VCL: variants seen among roughly 807,000 people sequenced by gnomAD.
The protein encoded by VCL is epididymis luminal protein 114.
A neutral mutation model predicts 125.7 loss-of-function variants in VCL; 47 were observed. The observed-to-expected ratio is 0.37, with a 90% CI of 0.30 to 0.48. VCL has a LOEUF of 0.48. VCL is among the 20% of genes least tolerant of loss of function. The pLI is 0.99. For missense variants in VCL, 1,069 were observed against 1,455.5 expected (o/e 0.73, Z 4.32); for synonymous variants, 458 against 514.6 (o/e 0.89, Z 1.49).
chr10:74,037,048 C>T (rs1371786484), intron 1 of VCL, among the ~76,000 whole-genome samples: 3 of 151,802 alleles, frequency 2.0e-5, no homozygotes, highest in Non-Finnish European at 2.9e-5. Context: ...GTAGCTGGGA[C>T]TACAGGCGCC....
chr10:74,083,392 C>A lies in VCL; in HGVS notation c.901C>A (p.Gln301Lys). The A allele has an allele frequency of 6.2e-7, 1 of 1,614,128 alleles. No homozygotes were observed. The highest frequency in any genetic ancestry group is 8.5e-7 in the Non-Finnish European group (1 of 1,179,988). Residue 301 changes from glutamine to lysine, a missense_variant, in exon 8 of 22, where the codon CAG (glutamine) becomes AAG (lysine). This residue lies in a region of VCL where 760 missense variants were observed against 928.9 expected (regional missense o/e 0.82). Coordinates refer to ENST00000211998, the MANE Select transcript of VCL (RefSeq NM_014000.3). ...GGATGCTGGTGAGCAGGCCATCAGA[C>A]AGATCTTAGATGAAGCTGGAAAAGT... ...PGDAGEQAIR[Q>K]ILDEAGKVGE...
At chr10:74,013,294 C>T (rs1840470216) in intron 1 of VCL, among the ~76,000 whole-genome samples, 1 of 151,884 alleles carries the variant, frequency 6.6e-6, no homozygotes, top group South Asian at 2.1e-4. Context: ...GCAAAAGGAC[C>T]ATCTAATTTG....
At chr10:73,998,616 C>G (rs185314301) in intron 1 of VCL, among the ~76,000 whole-genome samples, 1 of 152,246 alleles carries the variant, frequency 6.6e-6, no homozygotes, top group African/African-American at 2.4e-5. Context: ...GGCTGCCTTG[C>G]GGGCTTGTCG....
In VCL at chr10:74,072,614, A is replaced by G. The variant is rs1841678419; in HGVS notation, c.500-116A>G. The G allele has an allele frequency of 2.7e-6, 4 of 1,478,640 alleles. No homozygotes were observed. In the Admixed American group the frequency reaches 5.4e-5, roughly 20 times the overall value. The allele number at this position is 1,478,640 out of a possible 1,614,324, so 91.6% of individuals were successfully genotyped here. ...TTCAGTGATGGTGTCTGTTGTTTAAATAAGTGAGCAATCGGTTTGAACTTT... is the reference window on the plus strand; with the variant it reads ...TTCAGTGATGGTGTCTGTTGTTTAAGTAAGTGAGCAATCGGTTTGAACTTT... On this transcript the variant is annotated intron_variant, in intron 4 of 21. Coordinates refer to ENST00000211998, the MANE Select transcript of VCL (RefSeq NM_014000.3).
intron 1 of VCL, among the ~76,000 whole-genome samples, chr10:74,023,390 TACTC>T: frequency 6.6e-6 from 1 of 152,334 alleles, no homozygotes; most frequent in East Asian, 1.9e-4. Flanking sequence ...TGTGTAAGTA[TACTC>T]TATGATGTTC....
chr10:74,118,312 A>G lies in VCL; in HGVS notation c.*143A>G. The G allele has an allele frequency of 2.1e-6, 2 of 948,078 alleles. No homozygotes were observed. Among genetic ancestry groups the G allele is most frequent in the South Asian group, 2.8e-5 (2 of 72,030 alleles). The allele number at this position is 948,078 out of a possible 1,614,324, so 58.7% of individuals were successfully genotyped here. A position where few individuals can be genotyped will look rare whatever the true frequency, so the allele number is the denominator to read the frequency against. ...ATCAGAAAGGAATGGGGGCCTCTTCAAATTAGAAGACATTTATACTCTTTT... is the reference window on the plus strand; with the variant it reads ...ATCAGAAAGGAATGGGGGCCTCTTCGAATTAGAAGACATTTATACTCTTTT... On this transcript the variant is annotated 3_prime_UTR_variant, in exon 22 of 22. Coordinates refer to ENST00000211998, the MANE Select transcript of VCL (RefSeq NM_014000.3).
At chr10:74,019,936 G>A (rs868864857) in intron 1 of VCL, among the ~76,000 whole-genome samples, 23 of 151,730 alleles carry the variant, frequency 1.5e-4, no homozygotes, top group South Asian at 4.2e-4. Flanking sequence ...GGTGGCGGGC[G>A]CCTGTAATCC....
intron 2 of VCL, among the ~76,000 whole-genome samples, chr10:74,064,816 CAT>C (rs941474482): frequency 1.3e-5 from 2 of 152,120 alleles, no homozygotes; most frequent in African/African-American, 2.4e-5. Flanking sequence ...AAAAATAAAT[CAT>C]ATGTTAAGCC....
chr10:74,062,871 C>T (rs1418222993), intron 2 of VCL, among the ~76,000 whole-genome samples: 1 of 151,980 alleles, frequency 6.6e-6, no homozygotes, highest in African/African-American at 2.4e-5. Flanking sequence ...AGTTCGAGAC[C>T]AGCCTGGCCA....
At chr10:74,014,947 C>T (rs1045301078) in intron 1 of VCL, among the ~76,000 whole-genome samples, 6 of 152,176 alleles carry the variant, frequency 3.9e-5, no homozygotes, top group Non-Finnish European at 7.3e-5. Flanking sequence ...CTTCAGCCTC[C>T]CAGAGTGCTG....
intron 1 of VCL, among the ~76,000 whole-genome samples, chr10:74,020,724 C>G (rs1487432381): frequency 1.3e-5 from 2 of 150,992 alleles, no homozygotes; most frequent in East Asian, 3.9e-4. Context: ...ACCTGTAGTC[C>G]CAGCTACTCA....
At chr10:74,025,862 G>A (rs1225199312) in intron 1 of VCL, among the ~76,000 whole-genome samples, 1 of 152,140 alleles carries the variant, frequency 6.6e-6, no homozygotes, top group African/African-American at 2.4e-5. Flanking sequence ...CCAGAGTGAG[G>A]TTAAGAGTGG....
At chr10:74,057,517 C>A (rs937674739) in intron 2 of VCL, among the ~76,000 whole-genome samples, 49 of 152,148 alleles carry the variant, frequency 3.2e-4, no homozygotes, top group Non-Finnish European at 2.4e-4. Flanking sequence ...AGCTTGAGGG[C>A]CTGCCTGTAC....
chr10:74,112,565 G>A (rs1040278401), intron 19 of VCL, among the ~76,000 whole-genome samples: 1 of 152,112 alleles, frequency 6.6e-6, no homozygotes, highest in South Asian at 2.1e-4. Context: ...TATAGGGCAG[G>A]GTCTCTGGGG....
Position 74,070,667 on chromosome 10 carries a change from T to C in VCL, c.240-3T>C. The stretch of plus-strand genomic sequence containing the variant: ...GTGTGTTAACCTGTGTTCTTCCCTA[T>C]AGGGTTGAGAATGCTTGCACCAAGC... On this transcript the variant is annotated splice_polypyrimidine_tract_variant and splice_region_variant and intron_variant, in intron 2 of 21. Transcript: ENST00000211998. 2 of 1,614,118 alleles carry C rather than the reference T, an allele frequency of 1.2e-6. No individual in the cohort carries two copies. The highest frequency in any genetic ancestry group is 1.7e-6 in the Non-Finnish European group (2 of 1,180,008).
At chr10:74,079,783 C>T (rs933282783) in intron 6 of VCL, among the ~76,000 whole-genome samples, 1 of 152,054 alleles carries the variant, frequency 6.6e-6, no homozygotes, top group Non-Finnish European at 1.5e-5. Flanking sequence ...TTACTTATAA[C>T]CTACTGTTTT....
intron 2 of VCL, among the ~76,000 whole-genome samples, chr10:74,056,190 A>T (rs914449552): frequency 6.7e-6 from 1 of 149,542 alleles, no homozygotes; most frequent in Non-Finnish European, 1.5e-5. Flanking sequence ...GTGTGTGCTC[A>T]TGATGGGTGT....
chr10:74,081,615 CTG>C (rs1417818219), intron 6 of VCL, among the ~76,000 whole-genome samples: 2 of 152,120 alleles, frequency 1.3e-5, no homozygotes, highest in Non-Finnish European at 2.9e-5. Flanking sequence ...ATATTGTTCT[CTG>C]TGTTTTTATG....
chr10:74,000,477 C>T (rs1161391243), intron 1 of VCL, among the ~76,000 whole-genome samples: 1 of 151,982 alleles, frequency 6.6e-6, no homozygotes, highest in Non-Finnish European at 1.5e-5. Context: ...TGCAGTGACA[C>T]GATCTGGGCC....
Sources: gnomAD v4.1 joint callset for allele counts (sites outside exome capture counted in the v4.1 genomes callset) on GRCh38, gnomAD v4.1.1 for gene constraint, gnomAD v4.1.1 regional missense constraint, MANE v1.5 for transcripts, NCBI Gene and HGNC (gene_info 2026-07-23, HGNC 2026-07-21) for gene names.